Variants in PIGL observed in about 807,000 individuals in gnomAD.
PIGL encodes the protein N-acetylglucosaminyl-phosphatidylinositol de-N-acetylase.
A neutral mutation model predicts 31.1 loss-of-function variants in PIGL; 22 were observed. The observed-to-expected ratio is 0.71, with a 90% CI of 0.51 to 1.01. The LOEUF (loss-of-function observed/expected upper bound fraction) is 1.01, where lower values mean the gene tolerates loss of function less well. PIGL is among the 50% of genes least tolerant of loss of function. The pLI, the probability that PIGL is intolerant of heterozygous loss-of-function variation, is 0.00. For synonymous variants in PIGL, 131 were observed against 117.4 expected (o/e 1.12, Z -0.75); for missense variants, 302 against 315.9 (o/e 0.96, Z 0.33).
At chr17:16,269,943 A>G (rs1017949522) in intron 2 of PIGL, among the ~76,000 whole-genome samples, 37 of 152,176 alleles carry the variant, frequency 2.4e-4, no homozygotes, top group Middle Eastern at 3.4e-3. Context: ...TGTCTTTACA[A>G]AGTTACAGAG....
At chr17:16,228,607 C>G (rs1054783481) in intron 1 of PIGL, among the ~76,000 whole-genome samples, 1 of 151,804 alleles carries the variant, frequency 6.6e-6, no homozygotes, top group Admixed American at 6.6e-5. Flanking sequence ...CCAGGATGGT[C>G]TCGATCTCCT....
rs890851874 is a variant in PIGL, at chr17:16,222,390, T to A, written c.235+4929T>A. On this transcript the variant is annotated intron_variant, in intron 1 of 6. Transcript: ENST00000225609. The stretch of plus-strand genomic sequence containing the variant: ...TAATTCATTCTAACAAGATCTTCAG[T>A]TTAAGGGAAAGGGAGAAGCAGGGAA... 3.3e-5 allele frequency among the ~76,000 whole-genome samples: 5 copies of A among 151,956 alleles called. No homozygotes were observed. In the East Asian group the frequency reaches 9.7e-4, roughly 30 times the overall value.
At chr17:16,237,586 A>T (rs2092704616) in intron 2 of PIGL, among the ~76,000 whole-genome samples, 1 of 150,358 alleles carries the variant, frequency 6.7e-6, no homozygotes, top group Non-Finnish European at 1.5e-5. Context: ...AGATCGCTTG[A>T]GCCTAGGAAT....
intron 1 of PIGL, among the ~76,000 whole-genome samples, chr17:16,224,765 T>G (rs2092644663): frequency 6.6e-6 from 1 of 151,122 alleles, no homozygotes; most frequent in African/African-American, 2.4e-5. Flanking sequence ...CAAGCGATTC[T>G]CCTGCCTCAG....
At chr17:16,305,493 G>A (rs944155910) in intron 3 of PIGL, among the ~76,000 whole-genome samples, 1 of 152,164 alleles carries the variant, frequency 6.6e-6, no homozygotes, top group Non-Finnish European at 1.5e-5. Context: ...AGAATGACAG[G>A]TGCCATTGTC....
intron 1 of PIGL, among the ~76,000 whole-genome samples, chr17:16,228,705 G>C (rs1029670384): frequency 2.6e-5 from 4 of 152,220 alleles, no homozygotes; most frequent in African/African-American, 9.6e-5. Flanking sequence ...ACATTTTTAA[G>C]TGTTCAATTC....
At chr17:16,321,706 TTTCC>T (rs562711098) in intron 6 of PIGL, among the ~76,000 whole-genome samples, 11 of 152,204 alleles carry the variant, frequency 7.2e-5, no homozygotes, top group Middle Eastern at 3.4e-3. Context: ...GTTTTATTCT[TTTCC>T]TTCCTTCCTT....
intron 5 of PIGL, 52 bp from the exon 6 acceptor site, chr17:16,317,723 C>G: frequency 6.2e-7 from 1 of 1,609,318 alleles, no homozygotes. Context: ...AGGGGAAAAT[C>G]TGGCTGGAGG....
Position 16,237,732 on chromosome 17 carries a change from G to A in PIGL, c.335+3662G>A, listed in dbSNP as rs139340942. On this transcript the variant is annotated intron_variant, in intron 2 of 6. Coordinates refer to ENST00000225609, the MANE Select transcript of PIGL (RefSeq NM_004278.4). ...GAGGATCACCTGAACCCAGAAGGTG[G>A]AGGCTGCAGTGAGCCAAGATCATGC... Among the ~76,000 whole-genome samples, 1,461 of 148,778 alleles carry A rather than the reference G, an allele frequency of 9.8e-3. 24 individuals carry two copies. Among genetic ancestry groups the A allele is most frequent in the African/African-American group, 0.034 (1,378 of 40,510 alleles).
intron 1 of PIGL, among the ~76,000 whole-genome samples, chr17:16,228,395 A>T (rs929200839): frequency 8.0e-5 from 12 of 150,160 alleles, no homozygotes; most frequent in South Asian, 2.1e-4. Context: ...ATTTTATTTT[A>T]TTTTTTTGAG....
chr17:16,313,344 A>C (rs2093062927), intron 3 of PIGL, among the ~76,000 whole-genome samples: 1 of 152,258 alleles, frequency 6.6e-6, no homozygotes, highest in South Asian at 2.1e-4. Context: ...AGAGTAAAAC[A>C]TCAAACCCTG....
At chr17:16,238,195 CAAAA>C (rs529480311) in intron 2 of PIGL, among the ~76,000 whole-genome samples, 2 of 57,540 alleles carry the variant, frequency 3.5e-5, no homozygotes. Context: ...GACTCCGTCT[CAAAA>C]AAAAAAAAAA....
intron 2 of PIGL, among the ~76,000 whole-genome samples, chr17:16,255,521 T>C (rs186760683): frequency 5.4e-4 from 82 of 152,324 alleles, no homozygotes; most frequent in Non-Finnish European, 9.4e-4. Flanking sequence ...TGGAAGTCAC[T>C]GTGTTTTCCA....
intron 2 of PIGL, among the ~76,000 whole-genome samples, chr17:16,286,616 A>C (rs2142806077): frequency 6.6e-6 from 1 of 152,244 alleles, no homozygotes; most frequent in African/African-American, 2.4e-5. Flanking sequence ...CTAGGGCGGG[A>C]CTTCGAGTTT....
At chr17:16,240,943 G>A (rs1203955401) in intron 2 of PIGL, among the ~76,000 whole-genome samples, 5 of 150,050 alleles carry the variant, frequency 3.3e-5, no homozygotes, top group Non-Finnish European at 5.9e-5. Flanking sequence ...GGAGAAACCC[G>A]GTCTCTACTA....
At chr17:16,223,555 C>T (rs552678525) in intron 1 of PIGL, among the ~76,000 whole-genome samples, 4 of 151,582 alleles carry the variant, frequency 2.6e-5, no homozygotes, top group East Asian at 2.0e-4. Context: ...TCAGCCTGAG[C>T]GACAGAGCTA....
chr17:16,290,845 A>AT (rs201174957), intron 2 of PIGL, among the ~76,000 whole-genome samples: 4 of 149,556 alleles, frequency 2.7e-5, no homozygotes, highest in Non-Finnish European at 3.0e-5. Context: ...CTCTCAGCTA[A>AT]TTTTTTTTTT....
At chr17:16,258,386 G>A (rs1600789187) in intron 2 of PIGL, among the ~76,000 whole-genome samples, 1 of 151,642 alleles carries the variant, frequency 6.6e-6, no homozygotes, top group East Asian at 2.0e-4. Flanking sequence ...TGCGATATCG[G>A]CCAGGCTGGT....
intron 2 of PIGL, among the ~76,000 whole-genome samples, chr17:16,294,184 G>C (rs2092971954): frequency 6.6e-6 from 1 of 152,170 alleles, no homozygotes; most frequent in African/African-American, 2.4e-5. Flanking sequence ...GCAGTCATCA[G>C]GTGCATCCCA....
Sources: allele counts gnomAD v4.1 joint callset (sites outside exome capture counted in the v4.1 genomes callset), GRCh38; gene constraint gnomAD v4.1.1; transcripts MANE v1.5; gene names NCBI Gene and HGNC (gene_info 2026-07-23, HGNC 2026-07-21).